RNF38: variants seen among roughly 807,000 people sequenced by gnomAD.
RNF38 encodes ring finger protein 38.
In RNF38, 15 loss-of-function variants were observed where a neutral mutation model predicts 67.2. The ratio of observed to expected loss-of-function variants is 0.22; its 90% CI spans 0.15 to 0.34. The LOEUF (loss-of-function observed/expected upper bound fraction) is 0.34, where lower values mean the gene tolerates loss of function less well. Ranked by LOEUF, RNF38 falls within the 10% of genes least tolerant of loss-of-function variation. The pLI, the probability that RNF38 is intolerant of heterozygous loss-of-function variation, is 1.00. For missense variants in RNF38, 524 were observed against 639.9 expected (o/e 0.82, Z 1.95); for synonymous variants, 220 against 218.8 (o/e 1.01, Z -0.05).
At chr9:36,481,016 CT>C (rs1160092271) in intron 1 of RNF38, among the ~76,000 whole-genome samples, 2,120 of 136,126 alleles carry the variant, frequency 0.016, 14 homozygotes, top group African/African-American at 0.04. Flanking sequence ...TCTTCTCTTT[CT>C]TTTTTTTTTT....
At chr9:36,484,270 G>A (rs774134287) in intron 1 of RNF38, among the ~76,000 whole-genome samples, 47 of 152,114 alleles carry the variant, frequency 3.1e-4, no homozygotes, top group Admixed American at 7.9e-4. Flanking sequence ...GAAATCTACC[G>A]CAACTATCAG....
intron 3 of RNF38, among the ~76,000 whole-genome samples, chr9:36,373,766 G>A (rs1046263470): frequency 1.1e-4 from 17 of 151,152 alleles, no homozygotes; most frequent in African/African-American, 4.1e-4. Flanking sequence ...GTCAGCCACC[G>A]CACCCGGCCT....
intron 11 of RNF38, among the ~76,000 whole-genome samples, chr9:36,341,791 A>T (rs1832851208): frequency 4.9e-5 from 1 of 20,280 alleles, no homozygotes; most frequent in Non-Finnish European, 1.3e-4. Context: ...ACCCTGTTTC[A>T]AAATATATAT....
chr9:36,372,216 A>G (rs1328923443), intron 3 of RNF38, among the ~76,000 whole-genome samples: 1 of 152,172 alleles, frequency 6.6e-6, no homozygotes, highest in East Asian at 1.9e-4. Flanking sequence ...GGCGTGAGCC[A>G]CCGCGCCCAG....
chr9:36,401,243 G>A, upstream of RNF38: 2 of 979,344 alleles, frequency 2.0e-6, no homozygotes, highest in South Asian at 4.8e-5. Flanking sequence ...CCCGGCGCAC[G>A]ACTCGGACCA....
At chr9:36,375,598 A>G (rs1835730096) in intron 3 of RNF38, among the ~76,000 whole-genome samples, 1 of 152,202 alleles carries the variant, frequency 6.6e-6, no homozygotes, top group Non-Finnish European at 1.5e-5. Context: ...TAAGACTTCC[A>G]TATATCCTTA....
At chr9:36,392,038 T>C (rs988815247) in intron 1 of RNF38, among the ~76,000 whole-genome samples, 5 of 152,220 alleles carry the variant, frequency 3.3e-5, no homozygotes, top group South Asian at 4.1e-4. Context: ...GAGACAGCAG[T>C]GTAGTCAGGA....
chr9:36,422,970 A>G (rs1021391336), intron 2 of RNF38, among the ~76,000 whole-genome samples: 1 of 152,194 alleles, frequency 6.6e-6, no homozygotes, highest in Admixed American at 6.5e-5. Flanking sequence ...CTATACCATA[A>G]ATGAACAAAT....
Position 36,390,348 on chromosome 9 carries a change from T to C in RNF38, c.162+119A>G, listed in dbSNP as rs893977688. 32 of 827,292 alleles carry C rather than the reference T, an allele frequency of 3.9e-5. No homozygotes were observed. In the Middle Eastern group the frequency reaches 1.3e-3, roughly 33 times the overall value. The allele number at this position is 827,292 out of a possible 1,614,324, so 51.2% of individuals were successfully genotyped here. ...TAAAGTCCTCTAAGAAGAATACTTA[T>C]TTCCACATACAACAGAAAACAAGGA... On this transcript the variant is annotated intron_variant, in intron 2 of 11. Coordinates refer to ENST00000259605, the MANE Select transcript of RNF38 (RefSeq NM_022781.5).
intron 1 of RNF38, among the ~76,000 whole-genome samples, chr9:36,425,941 CT>C (rs1208208605): frequency 6.6e-6 from 1 of 152,172 alleles, no homozygotes; most frequent in Non-Finnish European, 1.5e-5. Flanking sequence ...CATGATCTGC[CT>C]GCCTCTGCCT....
At chr9:36,424,075 T>C (rs1024771816) in intron 2 of RNF38, among the ~76,000 whole-genome samples, 1 of 151,664 alleles carries the variant, frequency 6.6e-6, no homozygotes, top group Admixed American at 6.6e-5. Context: ...ATTTAAAATA[T>C]ATACATATCA....
At chr9:36,361,716 C>T (rs762524341) in intron 4 of RNF38, among the ~76,000 whole-genome samples, 1 of 152,128 alleles carries the variant, frequency 6.6e-6, no homozygotes, top group Non-Finnish European at 1.5e-5. Flanking sequence ...ACAAAAGGTT[C>T]AGTGCCATCA....
At chr9:36,467,905 G>C (rs1362551460) in intron 1 of RNF38, among the ~76,000 whole-genome samples, 1 of 152,190 alleles carries the variant, frequency 6.6e-6, no homozygotes, top group Non-Finnish European at 1.5e-5. Flanking sequence ...GGGGAATAGA[G>C]GCTACAGAAA....
chr9:36,429,502 A>G (rs1415334396), intron 1 of RNF38, among the ~76,000 whole-genome samples: 3 of 152,168 alleles, frequency 2.0e-5, no homozygotes, highest in Non-Finnish European at 2.9e-5. Flanking sequence ...AATGCTATAT[A>G]AGACACAGTG....
chr9:36,462,105 G>A (rs1323793612), intron 1 of RNF38, among the ~76,000 whole-genome samples: 2 of 152,158 alleles, frequency 1.3e-5, no homozygotes, highest in South Asian at 2.1e-4. Context: ...GATAAATTAC[G>A]TGGATAACTC....
At chr9:36,412,400 T>C (rs1404400128) in intron 2 of RNF38, among the ~76,000 whole-genome samples, 2 of 152,226 alleles carry the variant, frequency 1.3e-5, no homozygotes, top group Non-Finnish European at 2.9e-5. Context: ...CAACACCTAA[T>C]AGAGAGCAGC....
chr9:36,436,347 C>A (rs921306338), intron 1 of RNF38, among the ~76,000 whole-genome samples: 1 of 152,132 alleles, frequency 6.6e-6, no homozygotes, highest in African/African-American at 2.4e-5. Flanking sequence ...GAAGAGACCT[C>A]AATTCAGTTT....
chr9:36,395,615 T>C (rs758919872), intron 1 of RNF38, among the ~76,000 whole-genome samples: 1 of 152,182 alleles, frequency 6.6e-6, no homozygotes, highest in African/African-American at 2.4e-5. Context: ...ACCACTTCCA[T>C]GATAGCAACT....
At chr9:36,387,075 T>C (rs963078739) in intron 2 of RNF38, among the ~76,000 whole-genome samples, 1 of 152,174 alleles carries the variant, frequency 6.6e-6, no homozygotes, top group Non-Finnish European at 1.5e-5. Flanking sequence ...ATTGCTGGGA[T>C]TACAGGTGCG....
Sources: gnomAD v4.1 joint callset for allele counts (sites outside exome capture counted in the v4.1 genomes callset) on GRCh38, gnomAD v4.1.1 for gene constraint, MANE v1.5 for transcripts, NCBI Gene and HGNC (gene_info 2026-07-23, HGNC 2026-07-21) for gene names.